Variants in KLRG2 observed in about 807,000 individuals in gnomAD.
KLRG2 encodes the protein killer cell lectin like receptor G2, also known as killer cell lectin-like receptor subfamily G member 2.
Under a neutral mutation model 35.4 loss-of-function variants are expected in KLRG2, and 39 were observed. The observed-to-expected ratio is 1.10, with a 90% CI of 0.85 to 1.44. KLRG2 has a LOEUF of 1.44. Ranked by LOEUF, KLRG2 falls within the 40% of genes most tolerant of loss-of-function variation. The pLI, the probability that KLRG2 is intolerant of heterozygous loss-of-function variation, is 0.00. For missense variants in KLRG2, 632 were observed against 570.9 expected (o/e 1.11, Z -1.09); for synonymous variants, 283 against 265.8 (o/e 1.06, Z -0.63).
chr7:139,482,312 C>T (rs1796974325), intron 1 of KLRG2, among the ~76,000 whole-genome samples: 1 of 152,216 alleles, frequency 6.6e-6, no homozygotes, highest in Admixed American at 6.5e-5. Context: ...TCCACTGCTA[C>T]TTCTCAAAGG....
At position 139,483,666 on chromosome 7, in the gene KLRG2, A is replaced by T; in HGVS notation, c.-24T>A. 1 of 1,472,758 alleles carries T rather than the reference A, an allele frequency of 6.8e-7. No homozygotes were observed. The highest frequency in any genetic ancestry group is 8.9e-7 in the Non-Finnish European group (1 of 1,118,790). The allele number at this position is 1,472,758 out of a possible 1,614,324, so 91.2% of individuals were successfully genotyped here. On this transcript the variant is annotated 5_prime_UTR_variant, in exon 1 of 5. Transcript: ENST00000340940. Reference sequence around the variant, plus strand: ...ATCCCGCGCGCCCCGCCACCCGGAGACGCTGAGGAGCGCACCTGGGCCCAG... The same window carrying T: ...ATCCCGCGCGCCCCGCCACCCGGAGTCGCTGAGGAGCGCACCTGGGCCCAG...
At chr7:139,468,048 G>A (rs942267556) in intron 3 of KLRG2, among the ~76,000 whole-genome samples, 4 of 152,194 alleles carry the variant, frequency 2.6e-5, no homozygotes, top group African/African-American at 9.7e-5. Flanking sequence ...AGATGTTTAT[G>A]TGTGTGCATA....
intron 3 of KLRG2, among the ~76,000 whole-genome samples, chr7:139,465,442 C>T (rs1364482682): frequency 1.1e-4 from 17 of 152,144 alleles, no homozygotes; most frequent in Non-Finnish European, 2.4e-4. Flanking sequence ...CCTGTAATTC[C>T]AGCACTTTGG....
At chr7:139,471,291 A>C (rs1796750938) in intron 3 of KLRG2, among the ~76,000 whole-genome samples, 1 of 152,160 alleles carries the variant, frequency 6.6e-6, no homozygotes. Context: ...ATGTTTTCCA[A>C]ACTTTTTGCA....
intron 1 of KLRG2, 141 bp from the exon 2 acceptor site, chr7:139,480,388 C>T (rs1395525893): frequency 1.8e-6 from 1 of 564,270 alleles, no homozygotes; most frequent in East Asian, 3.0e-5. Flanking sequence ...CCAACATAAA[C>T]CACAACGTTT....
chr7:139,454,183 T>C lies in KLRG2; in HGVS notation c.1037A>G (p.His346Arg), dbSNP rs199708788. Reference sequence around the variant, plus strand: ...GCCTCGCCAGGCCCCCACCCAGGAGTGCCTGGAGACTGGGTATCTGCCCAG... The same window carrying C: ...GCCTCGCCAGGCCCCCACCCAGGAGCGCCTGGAGACTGGGTATCTGCCCAG... ...DFLGRYPVSRHSWVGAWRGPQ... is the reference protein window; with the variant it reads ...DFLGRYPVSRRSWVGAWRGPQ... The change falls in exon 4 of 5, where the codon CAC becomes CGC. Residue 346 changes from histidine (H) to arginine (R), a missense_variant. Transcript: ENST00000340940. The C allele has an allele frequency of 9.1e-5, 140 of 1,543,016 alleles. No homozygotes were observed. The highest frequency in any genetic ancestry group is 1.2e-4 in the Admixed American group (6 of 50,052).
At chr7:139,457,065 G>C (rs536141016) in intron 3 of KLRG2, among the ~76,000 whole-genome samples, 1 of 152,302 alleles carries the variant, frequency 6.6e-6, no homozygotes, top group East Asian at 1.9e-4. Flanking sequence ...AGAAGTCAGG[G>C]GCAACTTCCC....
intron 3 of KLRG2, among the ~76,000 whole-genome samples, chr7:139,475,071 G>A (rs1051074336): frequency 6.6e-6 from 1 of 152,200 alleles, no homozygotes; most frequent in African/African-American, 2.4e-5. Flanking sequence ...TTCCTGCCTA[G>A]TCTATTAGTA....
At chr7:139,470,402 A>G (rs1796736133) in intron 3 of KLRG2, among the ~76,000 whole-genome samples, 1 of 152,178 alleles carries the variant, frequency 6.6e-6, no homozygotes, top group African/African-American at 2.4e-5. Flanking sequence ...CCAAACCAGT[A>G]TGAGCCATGG....
intron 3 of KLRG2, among the ~76,000 whole-genome samples, chr7:139,471,245 G>T (rs1796749459): frequency 6.6e-6 from 1 of 152,152 alleles, no homozygotes; most frequent in South Asian, 2.1e-4. Flanking sequence ...TTAGGTACGA[G>T]ATAATGAGTA....
intron 3 of KLRG2, among the ~76,000 whole-genome samples, chr7:139,463,501 C>T (rs796506347): frequency 4.6e-5 from 7 of 152,212 alleles, no homozygotes; most frequent in Non-Finnish European, 7.3e-5. Flanking sequence ...GCCTAAGCCG[C>T]GCACACCTAA....
Position 139,453,497 on chromosome 7 carries a change from C to T in KLRG2, c.*90G>A, listed in dbSNP as rs748276009. ...AGCATGAAGACCTGGATAACTGGGT[C>T]CAGGAAGAGGCTGCCCAAGCTCTCA... On this transcript the variant is annotated 3_prime_UTR_variant, in exon 5 of 5. Coordinates refer to ENST00000340940, the MANE Select transcript of KLRG2 (RefSeq NM_198508.4). 29 of 1,401,350 alleles carry T rather than the reference C, an allele frequency of 2.1e-5. No individual in the cohort carries two copies. The highest frequency in any genetic ancestry group is 3.9e-6 in the Non-Finnish European group (4 of 1,029,424). The allele number at this position is 1,401,350 out of a possible 1,614,324, so 86.8% of individuals were successfully genotyped here.
In KLRG2 at chr7:139,482,891, A is replaced by C; in HGVS notation, c.752T>G (p.Leu251Arg). The change falls in exon 1 of 5, where the codon CTT becomes CGT. Residue 251 changes from leucine (L) to arginine (R), a missense_variant. Coordinates refer to ENST00000340940, the MANE Select transcript of KLRG2 (RefSeq NM_198508.4). ...GDEKLPRAVT[L>R]TGLPMYVKSL... ...CGGCGCAGGTGAGCACTCACCCGTA[A>C]GCGTTACGGCCCGGGGCAGCTTCTC... The C allele has an allele frequency of 2.0e-6, 3 of 1,474,732 alleles. No individual in the cohort carries two copies. The highest frequency in any genetic ancestry group is 2.7e-6 in the Non-Finnish European group (3 of 1,124,518). 91.4% of individuals were successfully genotyped at this position (1,474,732 alleles called of 1,614,324 possible). A position where few individuals can be genotyped will look rare whatever the true frequency, so the allele number is the denominator to read the frequency against.
intron 3 of KLRG2, among the ~76,000 whole-genome samples, chr7:139,460,328 G>A (rs73470418): frequency 0.13 from 19,737 of 152,230 alleles, 3,958 homozygotes; most frequent in African/African-American, 0.43. Flanking sequence ...TTCTGTTGCT[G>A]TCACAGATTA....
chr7:139,471,947 A>G (rs986117651), intron 3 of KLRG2, among the ~76,000 whole-genome samples: 3 of 152,232 alleles, frequency 2.0e-5, no homozygotes, highest in Admixed American at 6.5e-5. Context: ...GGGAAGCACA[A>G]TACAGAAGGT....
At chr7:139,474,352 C>T (rs886666122) in intron 3 of KLRG2, among the ~76,000 whole-genome samples, 4 of 152,154 alleles carry the variant, frequency 2.6e-5, no homozygotes, top group African/African-American at 9.7e-5. Flanking sequence ...AATGGCAAGA[C>T]TAAGAGCTGA....
chr7:139,471,123 C>T (rs938950395), intron 3 of KLRG2, among the ~76,000 whole-genome samples: 3 of 151,972 alleles, frequency 2.0e-5, no homozygotes, highest in Non-Finnish European at 4.4e-5. Context: ...GCTGGGATTA[C>T]AGGTGTGAGC....
At chr7:139,442,489 A>G in the KLRG2 span, among the ~76,000 whole-genome samples, 1 of 152,118 alleles carries the variant, frequency 6.6e-6, no homozygotes, top group Non-Finnish European at 1.5e-5. Context: ...AGGTGGGAGG[A>G]TGGCTCGAGT....
chr7:139,469,977 C>G (rs1181926465), intron 3 of KLRG2, among the ~76,000 whole-genome samples: 1 of 151,794 alleles, frequency 6.6e-6, no homozygotes, highest in Non-Finnish European at 1.5e-5. Context: ...AAGAGGTGGA[C>G]AACCAAAGGA....
Sources: allele counts gnomAD v4.1 joint callset (sites outside exome capture counted in the v4.1 genomes callset), GRCh38; gene constraint gnomAD v4.1.1; transcripts MANE v1.5; gene names NCBI Gene and HGNC (gene_info 2026-07-23, HGNC 2026-07-21).